The following SEC23A variants were observed in gnomAD, a reference collection of about 807,000 sequenced individuals.
SEC23A encodes protein transport protein Sec23A.
Under a neutral mutation model 103.7 loss-of-function variants are expected in SEC23A, and 56 were observed. That is an observed-to-expected ratio of 0.54 (90% CI 0.44 to 0.67). The LOEUF is 0.67. Ranked by LOEUF, SEC23A falls within the 30% of genes least tolerant of loss-of-function variation. The probability of loss-of-function intolerance (pLI) is 0.00; values close to 1 mark genes in which losing one functional copy is unlikely to be tolerated. For synonymous variants in SEC23A, 281 were observed against 293.0 expected (o/e 0.96, Z 0.42); for missense variants, 784 against 936.4 (o/e 0.84, Z 2.12).
chr14:39,053,123 C>G (rs1886123851), intron 14 of SEC23A, among the ~76,000 whole-genome samples: 1 of 152,026 alleles, frequency 6.6e-6, no homozygotes, highest in South Asian at 2.1e-4. Context: ...CAACAAGAGC[C>G]AAACTCTGTC....
At chr14:39,039,384 T>G (rs2139182977) in intron 18 of SEC23A, 1 of 325,392 alleles carries the variant, frequency 3.1e-6, no homozygotes, top group Non-Finnish European at 5.5e-6. Flanking sequence ...TATGACAAGG[T>G]TGGTGTGAAA....
intron 7 of SEC23A, among the ~76,000 whole-genome samples, chr14:39,076,504 G>C (rs1364565103): frequency 6.7e-6 from 1 of 150,210 alleles, no homozygotes; most frequent in African/African-American, 2.5e-5. Context: ...CTGGGCTCAA[G>C]TGATCCTCCC....
At chr14:39,078,611 G>A (rs985059439) in intron 7 of SEC23A, among the ~76,000 whole-genome samples, 2 of 152,152 alleles carry the variant, frequency 1.3e-5, no homozygotes, top group African/African-American at 2.4e-5. Context: ...AAAATTAGAG[G>A]CTGAGAGATA....
intron 7 of SEC23A, 27 bp downstream of exon 7, chr14:39,085,735 A>C: frequency 1.3e-6 from 2 of 1,522,234 alleles, no homozygotes; most frequent in South Asian, 1.1e-5. Flanking sequence ...CACACTTTAC[A>C]TTCCAAAACA....
chr14:39,059,290 A>AAAAAAAAAAAAAAAAAAAAAC (rs1886377186), intron 13 of SEC23A, among the ~76,000 whole-genome samples: 1 of 59,932 alleles, frequency 1.7e-5, no homozygotes, highest in Non-Finnish European at 4.3e-5. Flanking sequence ...AAAAAAAAAA[A>AAAAAAAAAAAAAAAAAAAAAC]AAAAAAAAAA....
intron 13 of SEC23A, among the ~76,000 whole-genome samples, chr14:39,059,196 C>T (rs7147612): frequency 4.9e-5 from 7 of 144,190 alleles, no homozygotes; most frequent in Non-Finnish European, 1.0e-4. Context: ...GTAACTTTGT[C>T]TTCTCAGGAG....
intron 18 of SEC23A, 75 bp from the exon 19 acceptor site, chr14:39,039,171 G>T: frequency 8.4e-7 from 1 of 1,192,086 alleles, no homozygotes; most frequent in Non-Finnish European, 1.2e-6. Context: ...ATTATATCAT[G>T]CAAAATCAAT....
Position 39,039,079 on chromosome 14 carries a change from T to C in SEC23A, c.2160A>G (p.Ser720=), listed in dbSNP as rs1220690964. Residue 720 remains serine (S), a synonymous_variant, in exon 19 of 20, where the codon TCA becomes TCG. Coordinates refer to ENST00000307712, the MANE Select transcript of SEC23A (RefSeq NM_006364.4). ...HGGSQARFLL[S]KVNPSQTHNN... is the part of the protein sequence containing the mutation. ...TATGAGTCTGTGAAGGGTTGACTTT[T>C]GAAAGGAGGAAACGGGCCTTAAAAG... 1 of 1,613,654 alleles carries C rather than the reference T, an allele frequency of 6.2e-7. No homozygotes were observed. The highest frequency in any genetic ancestry group is 1.3e-5 in the African/African-American group (1 of 74,898).
intron 15 of SEC23A, chr14:39,047,504 C>T: frequency 1.4e-6 from 1 of 731,222 alleles, no homozygotes; most frequent in Non-Finnish European, 1.9e-6. Context: ...ACAAAAACAA[C>T]AACAACAAAA....
In SEC23A at chr14:39,045,017, G is replaced by A. The variant is rs527240695; in HGVS notation, c.1899+146C>T. On this transcript the variant is annotated intron_variant, in intron 16 of 19. Transcript: ENST00000307712. ...TAGTAAACATTCATAAATATTTTAA[G>A]CGAATACATTAATAGGTTGAGATGT... is the stretch of plus-strand genomic sequence containing the variant. The A allele has an allele frequency of 3.1e-4, 219 of 708,418 alleles. 1 individual carries two copies. The highest frequency in any genetic ancestry group is 4.9e-4 in the Non-Finnish European group (203 of 412,174). The allele number at this position is 708,418 out of a possible 1,614,324, so 43.9% of individuals were successfully genotyped here. A position where few individuals can be genotyped will look rare whatever the true frequency, so the allele number is the denominator to read the frequency against.
chr14:39,076,525 T>C (rs995505708), intron 7 of SEC23A, among the ~76,000 whole-genome samples: 1 of 151,606 alleles, frequency 6.6e-6, no homozygotes, highest in African/African-American at 2.4e-5. Flanking sequence ...ACTTGAGCTT[T>C]CCAAGTAGCT....
At chr14:39,094,311 T>C (rs1278253749) in intron 2 of SEC23A, among the ~76,000 whole-genome samples, 7 of 95,184 alleles carry the variant, frequency 7.4e-5, no homozygotes, top group African/African-American at 1.7e-4. Flanking sequence ...CACATATACA[T>C]ATATATGCAT....
intron 9 of SEC23A, among the ~76,000 whole-genome samples, chr14:39,068,023 G>A (rs1225406850): frequency 2.6e-5 from 4 of 151,944 alleles, no homozygotes; most frequent in Admixed American, 2.6e-4. Context: ...TGTACTATCT[G>A]TGTCACATGA....
rs138841354 is a variant in SEC23A, at chr14:39,093,458, T to G, written c.222-214A>C. 1.3e-3 allele frequency among the ~76,000 whole-genome samples: 194 copies of G among 152,306 alleles called. 1 individual carries two copies. Among genetic ancestry groups the G allele is most frequent in the African/African-American group, 4.4e-3 (183 of 41,562 alleles). Reference sequence around the variant, plus strand: ...GTTTACCTAAATGGTGAATATAACTTTTAACATATAGTAAATATTGGCTGG... The same window carrying G: ...GTTTACCTAAATGGTGAATATAACTGTTAACATATAGTAAATATTGGCTGG... On this transcript the variant is annotated intron_variant, in intron 2 of 19. Transcript: ENST00000307712.
rs1886536474 is a variant in SEC23A at position 39,063,187 on chromosome 14, T to C, written c.1398+137A>G. The C allele has an allele frequency of 1.7e-5, 10 of 579,760 alleles. No individual in the cohort carries two copies. In the East Asian group the frequency reaches 3.0e-4, roughly 17 times the overall value. The allele number at this position is 579,760 out of a possible 1,614,324, so 35.9% of individuals were successfully genotyped here. A position where few individuals can be genotyped will look rare whatever the true frequency, so the allele number is the denominator to read the frequency against. On this transcript the variant is annotated intron_variant, in intron 12 of 19. Coordinates refer to ENST00000307712, the MANE Select transcript of SEC23A (RefSeq NM_006364.4). ...GCCTTGAAAAATAAAAAACGACAAATATAAATTCCAATACAGAAAATAAAT... is the reference window on the plus strand; with the variant it reads ...GCCTTGAAAAATAAAAAACGACAAACATAAATTCCAATACAGAAAATAAAT...
chr14:39,099,600 A>G (rs1193470846), intron 1 of SEC23A, among the ~76,000 whole-genome samples: 1 of 152,200 alleles, frequency 6.6e-6, no homozygotes, highest in Non-Finnish European at 1.5e-5. Context: ...TTTAGAAGAT[A>G]TACATTACTC....
chr14:39,075,809 G>A (rs1432207561), intron 8 of SEC23A, 126 bp downstream of exon 8: 1 of 769,352 alleles, frequency 1.3e-6, no homozygotes, highest in Admixed American at 2.3e-5. Context: ...CTCCAATTCT[G>A]AATACCAGTT....
chr14:39,099,754 C>T (rs1335560115), intron 1 of SEC23A, among the ~76,000 whole-genome samples: 1 of 152,154 alleles, frequency 6.6e-6, no homozygotes, highest in Non-Finnish European at 1.5e-5. Context: ...TCAGATTCCA[C>T]ACTGCAATTA....
intron 7 of SEC23A, among the ~76,000 whole-genome samples, chr14:39,084,962 A>G (rs1887379454): frequency 6.6e-6 from 1 of 152,136 alleles, no homozygotes; most frequent in South Asian, 2.1e-4. Context: ...TGAGGTGCCC[A>G]GCCAAGAGTG....
Sources: allele counts gnomAD v4.1 joint callset (sites outside exome capture counted in the v4.1 genomes callset), GRCh38; gene constraint gnomAD v4.1.1; transcripts MANE v1.5; gene names NCBI Gene and HGNC (gene_info 2026-07-23, HGNC 2026-07-21).